Variants in PCSK1 observed in about 807,000 individuals in gnomAD.
The protein encoded by PCSK1 is proprotein convertase subtilisin/kexin type 1.
In PCSK1, 56 loss-of-function variants were observed where a neutral mutation model predicts 90.6. The ratio of observed to expected loss-of-function variants is 0.62; its 90% CI spans 0.50 to 0.77. The LOEUF is 0.77. Among genes scored for constraint, PCSK1 ranks in the 30% least tolerant of loss-of-function variants. PCSK1 has a pLI of 0.00. For missense variants in PCSK1, 801 were observed against 932.6 expected, an observed-to-expected ratio of 0.86 and a Z score of 1.84; for synonymous variants, 348 against 342.4, an observed-to-expected ratio of 1.02 and a Z score of -0.18.
chr5:96,393,491 G>A, intron 13 of PCSK1, 113 bp from the exon 14 acceptor site: 2 of 1,250,482 alleles, frequency 1.6e-6, no homozygotes, highest in Non-Finnish European at 2.3e-6. Flanking sequence ...GGCAATGAGG[G>A]GAGGGGAGAG....
chr5:96,408,375 G>T, intron 8 of PCSK1, 52 bp from the exon 9 acceptor site: 1 of 1,332,036 alleles, frequency 7.5e-7, no homozygotes, highest in South Asian at 1.2e-5. Context: ...TGAGGAGTGT[G>T]GGCCTGTCTT....
chr5:96,412,555 A>C lies in PCSK1; in HGVS notation c.710-65T>G, dbSNP rs1285594950. 4 of 1,374,176 alleles carry C rather than the reference A, an allele frequency of 2.9e-6. No homozygotes were observed. The African/African-American group carries it at 5.7e-5, about 20-fold the overall frequency. The allele number at this position is 1,374,176 out of a possible 1,614,324, so 85.1% of individuals were successfully genotyped here. A position where few individuals can be genotyped will look rare whatever the true frequency, so the allele number is the denominator to read the frequency against. On this transcript the variant is annotated intron_variant, in intron 6 of 13. Transcript: ENST00000311106. ...TCAGTATGTACATGGACAAAAGCCC[A>C]ATACTCTTACTATTTGTATTTTTAA...
In PCSK1 at chr5:96,410,840, G is replaced by C. The variant is rs145132329; in HGVS notation, c.1029C>G (p.Tyr343Ter). The change falls in exon 8 of 14, where the codon TAC becomes TAG. Residue 343 changes from tyrosine (Y) to a stop codon, truncating the protein, a stop_gained. Coordinates refer to ENST00000311106, the MANE Select transcript of PCSK1 (RefSeq NM_000439.5). LOFTEE classifies it high-confidence loss of function. The stretch of plus-strand genomic sequence containing the variant: ...CCAGTGTGGAGGAGCACTTCTCAGC[G>C]TACCAGGGGGATAGGCCTTGCTGGG... ...SASQQGLSPW[Y>*]AEKCSSTLAT... 1.2e-5 allele frequency: 20 copies of C among 1,614,106 alleles called. No individual in the cohort carries two copies. The highest frequency in any genetic ancestry group is 1.7e-5 in the Admixed American group (1 of 60,026).
Position 96,432,845 on chromosome 5 carries a change from G to A in PCSK1, c.180+18C>T. The A allele has an allele frequency of 1.9e-6, 3 of 1,610,888 alleles. No homozygotes were observed. The South Asian group carries it at 3.3e-5, about 18-fold the overall frequency. On this transcript the variant is annotated intron_variant, in intron 1 of 13. Transcript: ENST00000311106. ...CCCCTGGGGCCCCAGAAAGTTTCTT[G>A]AAAGTGGAAACTCTTACCTGACCCA...
chr5:96,402,124 T>C (rs1454940888), intron 9 of PCSK1, among the ~76,000 whole-genome samples: 5 of 152,142 alleles, frequency 3.3e-5, no homozygotes, highest in African/African-American at 1.2e-4. Context: ...CCAGAGCCCA[T>C]CATGTACTGG....
At chr5:96,396,561 CAAA>C (rs368951852) in intron 12 of PCSK1, among the ~76,000 whole-genome samples, 1 of 122,418 alleles carries the variant, frequency 8.2e-6, no homozygotes, top group Non-Finnish European at 1.8e-5. Context: ...GACTCCGTCT[CAAA>C]AAAAAAAAAA....
chr5:96,392,058 G>A lies in PCSK1; in HGVS notation c.*943C>T, dbSNP rs1378720185. On this transcript the variant is annotated 3_prime_UTR_variant, in exon 14 of 14. Transcript: ENST00000311106. Reference sequence around the variant, plus strand: ...AAAAACAAAAACAAAACTTCTCTTGGTTTCTCCCTATTATGAGTATTTTTC... The same window carrying A: ...AAAAACAAAAACAAAACTTCTCTTGATTTCTCCCTATTATGAGTATTTTTC... The A allele has an allele frequency of 6.6e-6, 1 of 152,024 alleles. No homozygotes were observed. Among genetic ancestry groups the A allele is most frequent in the Non-Finnish European group, 1.5e-5 (1 of 67,994 alleles). The allele number at this position is 152,024 out of a possible 1,614,324, so 9.4% of individuals were successfully genotyped here.
In PCSK1 at chr5:96,392,818, A is replaced by T; in HGVS notation, c.*183T>A. 1 of 668,494 alleles carries T rather than the reference A, an allele frequency of 1.5e-6. No individual in the cohort carries two copies. The highest frequency in any genetic ancestry group is 2.5e-5 in the East Asian group (1 of 39,452). The allele number at this position is 668,494 out of a possible 1,614,324, so 41.4% of individuals were successfully genotyped here. ...TTGAAATACCTATGATCAATTCTGG[A>T]AGTTGAACTTCCTGCTTGAGCTCAT... On this transcript the variant is annotated 3_prime_UTR_variant, in exon 14 of 14. Transcript: ENST00000311106.
chr5:96,421,728 T>C, intron 5 of PCSK1, 152 bp downstream of exon 5: 1 of 652,362 alleles, frequency 1.5e-6, no homozygotes, highest in Non-Finnish European at 2.8e-6. Flanking sequence ...CTTTGGTTTC[T>C]GTTTTAAAAG....
In PCSK1 at chr5:96,392,916, G is replaced by T; in HGVS notation, c.*85C>A. On this transcript the variant is annotated 3_prime_UTR_variant, in exon 14 of 14. Coordinates refer to ENST00000311106, the MANE Select transcript of PCSK1 (RefSeq NM_000439.5). ...GGATATTATAAGCATAAGAATTCATGACAAAACAACCACTTCAGACACAGG... is the reference window on the plus strand; with the variant it reads ...GGATATTATAAGCATAAGAATTCATTACAAAACAACCACTTCAGACACAGG... The T allele has an allele frequency of 1.5e-6, 2 of 1,364,796 alleles. No individual in the cohort carries two copies. The highest frequency in any genetic ancestry group is 1.2e-5 in the South Asian group (1 of 85,208). 84.5% of individuals were successfully genotyped at this position (1,364,796 alleles called of 1,614,324 possible). A position where few individuals can be genotyped will look rare whatever the true frequency, so the allele number is the denominator to read the frequency against.
intron 4 of PCSK1, among the ~76,000 whole-genome samples, chr5:96,422,605 G>A (rs1761163999): frequency 6.6e-6 from 1 of 152,062 alleles, no homozygotes; most frequent in Non-Finnish European, 1.5e-5. Flanking sequence ...TCTACTCTGT[G>A]CTACTATTTT....
At chr5:96,397,181 G>C (rs1232974157) in intron 12 of PCSK1, among the ~76,000 whole-genome samples, 155 bp downstream of exon 12, 1 of 152,182 alleles carries the variant, frequency 6.6e-6, no homozygotes, top group Non-Finnish European at 1.5e-5. Context: ...ACGTAACCAA[G>C]TGGTCAGGGC....
chr5:96,397,111 A>T (rs1760179373), intron 12 of PCSK1, among the ~76,000 whole-genome samples: 1 of 152,188 alleles, frequency 6.6e-6, no homozygotes, highest in Non-Finnish European at 1.5e-5. Context: ...TGTTTATATA[A>T]GTGTTTTTCC....
At chr5:96,432,138 C>G (rs1761523494) in intron 1 of PCSK1, 9 of 1,535,616 alleles carry the variant, frequency 5.9e-6, no homozygotes, top group Middle Eastern at 1.7e-4. Context: ...TTCGGCATCT[C>G]GACCCTGCAG....
intron 9 of PCSK1, 31 bp downstream of exon 9, chr5:96,408,192 T>C: frequency 2.0e-6 from 3 of 1,473,468 alleles, no homozygotes; most frequent in Non-Finnish European, 2.9e-6. Flanking sequence ...TCAGCCTTTG[T>C]AAAGGTGATT....
In PCSK1 at chr5:96,423,202, A is replaced by G. The variant is rs1178284733; in HGVS notation, c.543+111T>C. The G allele has an allele frequency of 4.8e-6, 5 of 1,050,088 alleles. No individual in the cohort carries two copies. The African/African-American group carries it at 7.9e-5, about 17-fold the overall frequency. 65.0% of individuals were successfully genotyped at this position (1,050,088 alleles called of 1,614,324 possible). ...AGAAGGGACATAACCTTGGCCCATA[A>G]TCCCAGGGACTGACACCAGAGCAGC... On this transcript the variant is annotated intron_variant, in intron 4 of 13. Coordinates refer to ENST00000311106, the MANE Select transcript of PCSK1 (RefSeq NM_000439.5).
At chr5:96,422,860 T>A (rs1761170785) in intron 4 of PCSK1, among the ~76,000 whole-genome samples, 1 of 152,172 alleles carries the variant, frequency 6.6e-6, no homozygotes, top group Non-Finnish European at 1.5e-5. Context: ...TTGGCATAGG[T>A]GCATTGTGTG....
chr5:96,432,152 G>C, intron 1 of PCSK1: 2 of 1,534,606 alleles, frequency 1.3e-6, no homozygotes, highest in Non-Finnish European at 1.7e-6. Context: ...CCTGCAGTGG[G>C]ACTGGCCGGG....
Position 96,429,215 on chromosome 5 carries a change from GATC to G in PCSK1, c.280_282del (p.Asp94del). 6.8e-7 allele frequency: 1 copy of G among 1,478,038 alleles called. No individual in the cohort carries two copies. The highest frequency in any genetic ancestry group is 9.5e-7 in the Non-Finnish European group (1 of 1,056,224). The allele number at this position is 1,478,038 out of a possible 1,614,324, so 91.6% of individuals were successfully genotyped here. On this transcript the variant is annotated inframe_deletion, in exon 2 of 14. Transcript: ENST00000311106. ...GAAGACAAATGTACAACACTTACAC[GATC>G]ATCATCAGATAATCTCTTAGTGATA... is the stretch of plus-strand genomic sequence containing the variant.
Sources: allele counts gnomAD v4.1 joint callset (sites outside exome capture counted in the v4.1 genomes callset), GRCh38; gene constraint gnomAD v4.1.1; transcripts MANE v1.5; gene names NCBI Gene and HGNC (gene_info 2026-07-23, HGNC 2026-07-21).